Variants in ROPN1L observed in about 807,000 individuals in gnomAD.
ROPN1L encodes the protein ropporin-1-like protein.
Under a neutral mutation model 22.7 loss-of-function variants are expected in ROPN1L, and 23 were observed. The ratio of observed to expected loss-of-function variants is 1.01; its 90% CI spans 0.73 to 1.43. The LOEUF (loss-of-function observed/expected upper bound fraction) is 1.43, where lower values mean the gene tolerates loss of function less well. Among genes scored for constraint, ROPN1L ranks in the 40% most tolerant of loss-of-function variants. The probability of loss-of-function intolerance (pLI) is 0.00; values close to 1 mark genes in which losing one functional copy is unlikely to be tolerated. For synonymous variants in ROPN1L, 116 were observed against 117.8 expected (o/e 0.98, Z 0.10); for missense variants, 271 against 291.5 (o/e 0.93, Z 0.51).
In ROPN1L at chr5:10,462,665, A is replaced by G. The variant is rs2435988; in HGVS notation, c.593+1306A>G. Among the ~76,000 whole-genome samples the G allele has an allele frequency of 2.5e-4, 38 of 152,286 alleles. 1 individual carries two copies. The East Asian group carries it at 5.4e-3, about 22-fold the overall frequency. On this transcript the variant is annotated intron_variant, in intron 4 of 4. Transcript: ENST00000274134. The stretch of plus-strand genomic sequence containing the variant: ...TCCCAGCACTTTGGGAGTCCGAGGC[A>G]GGTGGATCACTTGAGATCAGGAGTT...
At chr5:10,460,478 C>T (rs559093757) in intron 3 of ROPN1L, among the ~76,000 whole-genome samples, 8 of 152,276 alleles carry the variant, frequency 5.3e-5, no homozygotes, top group South Asian at 2.1e-4. Flanking sequence ...AAGTGTCTGC[C>T]GTGTGGAGGC....
At chr5:10,479,769 C>T in the ROPN1L span, among the ~76,000 whole-genome samples, 2 of 151,148 alleles carry the variant, frequency 1.3e-5, no homozygotes, top group African/African-American at 4.9e-5. Context: ...TTTTCTGAGA[C>T]GGAGTTTCTC....
At chr5:10,467,461 C>T (rs1282959289), downstream of ROPN1L, among the ~76,000 whole-genome samples, 1 of 152,130 alleles carries the variant, frequency 6.6e-6, no homozygotes, top group Non-Finnish European at 1.5e-5. Flanking sequence ...GTGCCTTTCT[C>T]CAAGGGTGAT....
the ROPN1L span, among the ~76,000 whole-genome samples, chr5:10,478,642 T>C: frequency 6.6e-6 from 1 of 152,078 alleles, no homozygotes; most frequent in Non-Finnish European, 1.5e-5. Flanking sequence ...GCAGCAGTCG[T>C]TGGATTTAGA....
rs1374707768 is a variant in ROPN1L at position 10,450,023 on chromosome 5, A to C, written c.327A>C (p.Glu109Asp). The C allele has an allele frequency of 6.2e-7, 1 of 1,614,104 alleles. No homozygotes were observed. Among genetic ancestry groups the C allele is most frequent in the Admixed American group, 1.7e-5 (1 of 59,996 alleles). Residue 109 changes from glutamate (E) to aspartate (D), a missense_variant, in exon 3 of 5, where the codon GAA becomes GAC. By Grantham distance (45) the Glu-to-Asp change is conservative. Coordinates refer to ENST00000274134, the MANE Select transcript of ROPN1L (RefSeq NM_031916.5). Reference sequence around the variant, plus strand: ...GGAAGAACTTGTGCCTGCCGAAGGAAAAATTCAAAGCGCTCTTACAACTGG... The same window carrying C: ...GGAAGAACTTGTGCCTGCCGAAGGACAAATTCAAAGCGCTCTTACAACTGG... ...QKWKNLCLPK[E>D]KFKALLQLDP...
At chr5:10,447,755 C>T (rs1053087676) in intron 1 of ROPN1L, among the ~76,000 whole-genome samples, 9 of 152,108 alleles carry the variant, frequency 5.9e-5, no homozygotes, top group African/African-American at 2.2e-4. Context: ...GTGGTGTGTG[C>T]CTGTAGTCCC....
chr5:10,443,170 C>A (rs1307952534), intron 1 of ROPN1L, among the ~76,000 whole-genome samples: 1 of 150,060 alleles, frequency 6.7e-6, no homozygotes, highest in Non-Finnish European at 1.5e-5. Flanking sequence ...GCCTGGGTAA[C>A]ACAGCAAGAC....
chr5:10,474,135 G>C (rs1034019510), downstream of ROPN1L, among the ~76,000 whole-genome samples: 15 of 148,608 alleles, frequency 1.0e-4, no homozygotes, highest in Non-Finnish European at 1.5e-4. Flanking sequence ...TTGGGCTACA[G>C]AGTGAGACTG....
rs1377388507 is a variant in ROPN1L, at chr5:10,461,321, G to A, written c.555G>A (p.Leu185=). 2 of 1,614,088 alleles carry A rather than the reference G, an allele frequency of 1.2e-6. No individual in the cohort carries two copies. The change falls in exon 4 of 5, where the codon TTG becomes TTA. Residue 185 remains leucine, a synonymous_variant. Transcript: ENST00000274134. ...LARLDSDVSP[L]ETESYLASLK... ...GATTAGACTCAGATGTGTCTCCCTT[G>A]GAGACGGAATCCTACCTTGCCTCTC...
At chr5:10,451,305 T>C (rs1875018) in intron 3 of ROPN1L, among the ~76,000 whole-genome samples, 107,992 of 152,120 alleles carry the variant, frequency 0.71, 41,786 homozygotes, top group Non-Finnish European at 0.88. Flanking sequence ...TGGCCACTAA[T>C]GCACCAACAG....
At chr5:10,459,558 TC>T (rs1734970533) in intron 3 of ROPN1L, among the ~76,000 whole-genome samples, 2 of 152,032 alleles carry the variant, frequency 1.3e-5, no homozygotes, top group African/African-American at 4.8e-5. Context: ...TGACCTCATT[TC>T]CCGCATCCCT....
chr5:10,448,108 C>T, intron 1 of ROPN1L, 152 bp from the exon 2 acceptor site: 2 of 795,828 alleles, frequency 2.5e-6, no homozygotes, highest in Non-Finnish European at 2.0e-6. Context: ...GTCAGAGAAC[C>T]AAGTGGAGGA....
At chr5:10,479,579 G>GCA in the ROPN1L span, among the ~76,000 whole-genome samples, 1 of 152,188 alleles carries the variant, frequency 6.6e-6, no homozygotes, top group Non-Finnish European at 1.5e-5. Context: ...CCGAGGGAGA[G>GCA]CACAGGACGC....
At chr5:10,481,356 G>A in the ROPN1L span, among the ~76,000 whole-genome samples, 6 of 152,216 alleles carry the variant, frequency 3.9e-5, no homozygotes, top group African/African-American at 1.2e-4. Context: ...AGGAGACAGC[G>A]GACATGTGGG....
chr5:10,452,939 G>A (rs1261958568), intron 3 of ROPN1L, among the ~76,000 whole-genome samples: 4 of 152,172 alleles, frequency 2.6e-5, no homozygotes, highest in Admixed American at 6.5e-5. Flanking sequence ...GACTCCTGGG[G>A]AAGAGACATC....
intron 4 of ROPN1L, 74 bp from the exon 5 acceptor site, chr5:10,464,774 C>T (rs192241378): frequency 3.3e-5 from 27 of 817,614 alleles, no homozygotes; most frequent in Non-Finnish European, 4.7e-5. Flanking sequence ...TAAATTATAT[C>T]GCATTTTATA....
downstream of ROPN1L, among the ~76,000 whole-genome samples, chr5:10,476,142 C>T (rs1374212695): frequency 6.6e-6 from 1 of 152,218 alleles, no homozygotes; most frequent in Non-Finnish European, 1.5e-5. Flanking sequence ...CAGCAGGCTG[C>T]GAAATGCAGT....
rs566464299 is a variant in ROPN1L at position 10,464,861 on chromosome 5, A to C, written c.607A>C (p.Asn203His). 6.3e-7 allele frequency: 1 copy of C among 1,597,496 alleles called. No homozygotes were observed. Among genetic ancestry groups the C allele is most frequent in the South Asian group, 1.2e-5 (1 of 86,920 alleles). ...TTTCCAATTTAGAGACGCCAGGAAG[A>C]ACGGCATGATAGGTCTTTCAGATTT... ...SLKENIDARK[N>H]GMIGLSDFFF... is the part of the protein sequence containing the mutation. The change falls in exon 5 of 5, where the codon AAC becomes CAC. Residue 203 changes from asparagine (N) to histidine (H), a missense_variant. Asn to His is a moderately conservative substitution (Grantham distance 68). Coordinates refer to ENST00000274134, the MANE Select transcript of ROPN1L (RefSeq NM_031916.5).
chr5:10,460,082 G>A (rs180859140), intron 3 of ROPN1L, among the ~76,000 whole-genome samples: 63 of 152,302 alleles, frequency 4.1e-4, no homozygotes, highest in African/African-American at 1.3e-3. Flanking sequence ...GGGACTGAGG[G>A]GAGGGTCCCA....
Sources: gnomAD v4.1 joint callset for allele counts (sites outside exome capture counted in the v4.1 genomes callset) on GRCh38, gnomAD v4.1.1 for gene constraint, MANE v1.5 for transcripts, NCBI Gene and HGNC (gene_info 2026-07-23, HGNC 2026-07-21) for gene names.